The following ART4 variants were observed in gnomAD, a reference collection of about 807,000 sequenced individuals.
ART4 encodes the protein ADP-ribosyltransferase 4 (inactive) (Dombrock blood group), also known as ecto-ADP-ribosyltransferase 4.
ART4 carries 14 observed loss-of-function variants against 24.2 expected under a neutral mutation model. That is an observed-to-expected ratio of 0.58 (90% CI 0.38 to 0.90). The LOEUF (loss-of-function observed/expected upper bound fraction) is 0.90, where lower values mean the gene tolerates loss of function less well. Ranked by LOEUF, ART4 falls within the 40% of genes least tolerant of loss-of-function variation. The pLI is 0.00. For missense variants in ART4, 356 were observed against 366.6 expected (o/e 0.97, Z 0.24); for synonymous variants, 145 against 139.9 (o/e 1.04, Z -0.26).
rs1431010372 is a variant in ART4 at position 14,843,144 on chromosome 12, C to T, written c.-31G>A. ...TGTGTCACAAGTACTTCTCCTTTGC[C>T]CTTGCAGCTTCATCCTGAGATGAAT... On this transcript the variant is annotated 5_prime_UTR_variant, in exon 1 of 3. Transcript: ENST00000228936. 3 of 1,612,162 alleles carry T rather than the reference C, an allele frequency of 1.9e-6. No homozygotes were observed. Among genetic ancestry groups the T allele is most frequent in the Non-Finnish European group, 2.5e-6 (3 of 1,178,944 alleles).
chr12:14,834,822 G>A (rs925702270), intron 2 of ART4, among the ~76,000 whole-genome samples: 14 of 152,192 alleles, frequency 9.2e-5, no homozygotes, highest in African/African-American at 3.4e-4. Context: ...GAGGAAAGCT[G>A]TTAGTTTAGA....
chr12:14,829,665 A>C (rs949512195), intron 2 of ART4, among the ~76,000 whole-genome samples: 1 of 152,170 alleles, frequency 6.6e-6, no homozygotes, highest in Non-Finnish European at 1.5e-5. Flanking sequence ...AAGAGGTTAA[A>C]AGATGTACTC....
chr12:14,836,804 G>A (rs1215390506), intron 2 of ART4, among the ~76,000 whole-genome samples: 1 of 152,166 alleles, frequency 6.6e-6, no homozygotes, highest in Admixed American at 6.5e-5. Flanking sequence ...TGGAGGGTGA[G>A]AAAATGCTCC....
At chr12:14,835,610 CTTTT>C (rs5796613) in intron 2 of ART4, among the ~76,000 whole-genome samples, 1 of 146,758 alleles carries the variant, frequency 6.8e-6, no homozygotes. Context: ...GGCAATCAAA[CTTTT>C]TTTTTTTTTT....
intron 1 of ART4, among the ~76,000 whole-genome samples, chr12:14,841,509 C>T (rs1361899369): frequency 6.6e-6 from 1 of 152,176 alleles, no homozygotes; most frequent in East Asian, 1.9e-4. Context: ...ACTTTCCCCC[C>T]TCTTTCTAGT....
chr12:14,836,353 C>G (rs2137301460), intron 2 of ART4, among the ~76,000 whole-genome samples: 1 of 152,050 alleles, frequency 6.6e-6, no homozygotes, highest in African/African-American at 2.4e-5. Flanking sequence ...CACTTGAAAA[C>G]AAACACTGCA....
At chr12:14,835,609 A>AC (rs1168810802) in intron 2 of ART4, among the ~76,000 whole-genome samples, 1 of 135,122 alleles carries the variant, frequency 7.4e-6, no homozygotes, top group Non-Finnish European at 1.7e-5. Flanking sequence ...AGGCAATCAA[A>AC]CTTTTTTTTT....
At position 14,829,404 on chromosome 12, in the gene ART4, G is replaced by C; in HGVS notation, c.912C>G (p.Thr304=). Residue 304 remains threonine (T), a synonymous_variant, in exon 3 of 3, where the codon ACC becomes ACG. Transcript: ENST00000228936. ...PIAIASLSFL[T]SVIIFSKSRV ...TGCTTTTGGAAAAGATGATGACACT[G>C]GTCAAAAAGGAGAGAGATGCAATAG... 1.2e-6 allele frequency: 2 copies of C among 1,607,896 alleles called. No individual in the cohort carries two copies. Among genetic ancestry groups the C allele is most frequent in the South Asian group, 1.1e-5 (1 of 89,450 alleles).
At chr12:14,842,923 T>C in intron 1 of ART4, 47 bp downstream of exon 1, 3 of 1,579,322 alleles carry the variant, frequency 1.9e-6, no homozygotes, top group Non-Finnish European at 2.6e-6. Context: ...GAATGCTCTG[T>C]TGGAGCACTG....
chr12:14,830,694 T>C (rs1565427943), intron 2 of ART4, among the ~76,000 whole-genome samples: 4 of 104,166 alleles, frequency 3.8e-5, no homozygotes, highest in Admixed American at 1.0e-4. Flanking sequence ...TATATATATA[T>C]ATATACAGTA....
intron 2 of ART4, among the ~76,000 whole-genome samples, chr12:14,832,968 A>G (rs1950406333): frequency 6.6e-6 from 1 of 152,192 alleles, no homozygotes; most frequent in African/African-American, 2.4e-5. Flanking sequence ...ACAGCTGTGC[A>G]TTAATTACAA....
intron 1 of ART4, among the ~76,000 whole-genome samples, chr12:14,841,810 G>A (rs1863055450): frequency 6.6e-6 from 1 of 152,246 alleles, no homozygotes; most frequent in Non-Finnish European, 1.5e-5. Context: ...TTTGCAGGCA[G>A]TACTGAACTG....
Position 14,837,172 on chromosome 12 carries a change from C to T in ART4, c.853+3273G>A, listed in dbSNP as rs191676716. On this transcript the variant is annotated intron_variant, in intron 2 of 2. Coordinates refer to ENST00000228936, the MANE Select transcript of ART4 (RefSeq NM_021071.4). Reference sequence around the variant, plus strand: ...TTACAAGCTTTTCTGCATGGCCACACAAGCTTCTAATTGATAAATTTCTGG... The same window carrying T: ...TTACAAGCTTTTCTGCATGGCCACATAAGCTTCTAATTGATAAATTTCTGG... Among the ~76,000 whole-genome samples the T allele has an allele frequency of 1.1e-4, 17 of 152,326 alleles. No individual in the cohort carries two copies. In the East Asian group the frequency reaches 1.9e-3, roughly 17 times the overall value.
intron 2 of ART4, among the ~76,000 whole-genome samples, chr12:14,837,094 C>G (rs1950436167): frequency 6.6e-6 from 1 of 151,932 alleles, no homozygotes; most frequent in Admixed American, 6.6e-5. Flanking sequence ...CTGTGGATCC[C>G]CCAAACAACG....
chr12:14,830,207 C>T lies in ART4; in HGVS notation c.854-745G>A, dbSNP rs117175325. On this transcript the variant is annotated intron_variant, in intron 2 of 2. Transcript: ENST00000228936. ...AGGAAATGTGGGACAGGTTAGCAGC[C>T]AGTTAGGTGTGGAAGCAAAACTGGA... Among the ~76,000 whole-genome samples the T allele has an allele frequency of 2.1e-3, 318 of 149,374 alleles. 2 individuals carry two copies. Among genetic ancestry groups the T allele is most frequent in the East Asian group, 0.02 (98 of 4,970 alleles).
rs945347708 is a variant in ART4, at chr12:14,843,020, G to A, written c.94C>T (p.Pro32Ser). The change falls in exon 1 of 3, where the codon CCA (proline) becomes TCA (serine). Residue 32 changes from proline (P) to serine (S), a missense_variant. Coordinates refer to ENST00000228936, the MANE Select transcript of ART4 (RefSeq NM_021071.4). ...AGGCCAGAGAGGAGCAGCAGGAATGGCAGCAGGCCTCCAAGGAGCCAGATT... is the reference window on the plus strand; with the variant it reads ...AGGCCAGAGAGGAGCAGCAGGAATGACAGCAGGCCTCCAAGGAGCCAGATT... ...MRIWLLGGLL[P>S]FLLLLSGLQR... The A allele has an allele frequency of 3.5e-5, 57 of 1,613,818 alleles. No individual in the cohort carries two copies. Among genetic ancestry groups the A allele is most frequent in the Non-Finnish European group, 4.2e-5 (50 of 1,179,978 alleles).
At position 14,843,004 on chromosome 12, in the gene ART4, A is replaced by G. The variant is rs765275986; in HGVS notation, c.110T>C (p.Leu37Pro). ...CTCTGTGGGTCTCTGCAGGCCAGAG[A>G]GGAGCAGCAGGAATGGCAGCAGGCC... ...LGGLLPFLLLLSGLQRPTEGS... is the reference protein window; with the variant it reads ...LGGLLPFLLLPSGLQRPTEGS... The change falls in exon 1 of 3, where the codon CTC becomes CCC. Residue 37 changes from leucine to proline, a missense_variant. By Grantham distance (98) the Leu-to-Pro change is moderately conservative. Transcript: ENST00000228936. The G allele has an allele frequency of 6.2e-7, 1 of 1,613,846 alleles. No individual in the cohort carries two copies.
At chr12:14,836,203 G>A (rs541344893) in intron 2 of ART4, among the ~76,000 whole-genome samples, 1 of 152,172 alleles carries the variant, frequency 6.6e-6, no homozygotes, top group African/African-American at 2.4e-5. Context: ...AGCAACCTCA[G>A]CATACAATTT....
At chr12:14,840,050 A>G (rs1950456071) in intron 2 of ART4, among the ~76,000 whole-genome samples, 1 of 152,226 alleles carries the variant, frequency 6.6e-6, no homozygotes, top group Non-Finnish European at 1.5e-5. Context: ...GAAGATGATT[A>G]ATGAACAGAA....
Sources: gnomAD v4.1 joint callset for allele counts (sites outside exome capture counted in the v4.1 genomes callset) on GRCh38, gnomAD v4.1.1 for gene constraint, MANE v1.5 for transcripts, NCBI Gene and HGNC (gene_info 2026-07-23, HGNC 2026-07-21) for gene names.